Variants in ARHGAP15 observed in about 807,000 individuals in gnomAD.
The protein encoded by ARHGAP15 is Rho GTPase activating protein 15.
A neutral mutation model predicts 63.7 loss-of-function variants in ARHGAP15; 51 were observed. That is an observed-to-expected ratio of 0.80 (90% CI 0.64 to 1.01). The LOEUF (loss-of-function observed/expected upper bound fraction) is 1.01, where lower values mean the gene tolerates loss of function less well. Among genes scored for constraint, ARHGAP15 ranks in the 50% least tolerant of loss-of-function variants. The probability of loss-of-function intolerance (pLI) is 0.00; values close to 1 mark genes in which losing one functional copy is unlikely to be tolerated. For synonymous variants in ARHGAP15, 191 were observed against 193.8 expected, an observed-to-expected ratio of 0.99 and a Z score of 0.12; for missense variants, 560 against 564.6, an observed-to-expected ratio of 0.99 and a Z score of 0.08.
At chr2:143,595,890 G>A (rs921205622) in intron 11 of ARHGAP15, among the ~76,000 whole-genome samples, 6 of 151,974 alleles carry the variant, frequency 3.9e-5, no homozygotes, top group African/African-American at 9.7e-5. Context: ...TCTTTTCCAG[G>A]GGCATTTATA....
chr2:143,211,864 T>G (rs1283091506), intron 3 of ARHGAP15, among the ~76,000 whole-genome samples: 1 of 152,104 alleles, frequency 6.6e-6, no homozygotes, highest in Non-Finnish European at 1.5e-5. Flanking sequence ...TGAACTAGGA[T>G]TCAGATGGCT....
chr2:143,540,583 A>G (rs575818651), intron 10 of ARHGAP15, among the ~76,000 whole-genome samples: 1 of 152,242 alleles, frequency 6.6e-6, no homozygotes, highest in Non-Finnish European at 1.5e-5. Flanking sequence ...TGGTGACAAA[A>G]TCTCTCAGCA....
intron 1 of ARHGAP15, among the ~76,000 whole-genome samples, chr2:143,143,570 T>C (rs1464471841): frequency 1.3e-5 from 2 of 150,718 alleles, no homozygotes; most frequent in Non-Finnish European, 3.0e-5. Flanking sequence ...TTTCTTTCTT[T>C]TTTTTTTTTT....
chr2:143,259,595 G>A (rs1680612108), intron 6 of ARHGAP15, among the ~76,000 whole-genome samples: 1 of 152,050 alleles, frequency 6.6e-6, no homozygotes, highest in Admixed American at 6.6e-5. Flanking sequence ...TTCAACACTG[G>A]CTTCTCTGAT....
intron 5 of ARHGAP15, among the ~76,000 whole-genome samples, chr2:143,240,015 A>AC (rs1693804145): frequency 6.8e-6 from 1 of 147,998 alleles, no homozygotes; most frequent in African/African-American, 2.5e-5. Context: ...AAAAAAAAAA[A>AC]AAAAAACCAC....
intron 12 of ARHGAP15, among the ~76,000 whole-genome samples, chr2:143,652,655 C>T (rs949012443): frequency 3.9e-5 from 6 of 151,998 alleles, no homozygotes; most frequent in East Asian, 1.9e-4. Flanking sequence ...TCATATTTAT[C>T]CCCGAGTATT....
chr2:143,524,557 G>A (rs1317706016), intron 10 of ARHGAP15, among the ~76,000 whole-genome samples: 3 of 152,156 alleles, frequency 2.0e-5, no homozygotes, highest in Admixed American at 6.6e-5. Context: ...GTAGATTATA[G>A]CAACTTGGAA....
At chr2:143,497,006 A>G (rs1286289368) in intron 9 of ARHGAP15, among the ~76,000 whole-genome samples, 1 of 152,184 alleles carries the variant, frequency 6.6e-6, no homozygotes, top group Non-Finnish European at 1.5e-5. Context: ...GAAATATTGT[A>G]TTTGAGCCTT....
chr2:143,250,445 C>T (rs188413540), intron 5 of ARHGAP15, 66 bp from the exon 6 acceptor site: 187 of 1,257,716 alleles, frequency 1.5e-4, no homozygotes, highest in Admixed American at 2.5e-4. Context: ...CAATAAACTC[C>T]TATTTCTCTG....
intron 12 of ARHGAP15, among the ~76,000 whole-genome samples, chr2:143,625,086 G>A (rs1698784089): frequency 6.6e-6 from 1 of 151,950 alleles, no homozygotes; most frequent in African/African-American, 2.4e-5. Context: ...GTGACAGCTT[G>A]GAAAAAGTTT....
intron 1 of ARHGAP15, among the ~76,000 whole-genome samples, chr2:143,134,884 A>G (rs1689075873): frequency 5.9e-5 from 9 of 152,012 alleles, no homozygotes; most frequent in Admixed American, 5.2e-4. Context: ...TGATCTGCCC[A>G]CCTTGACCTC....
intron 3 of ARHGAP15, among the ~76,000 whole-genome samples, chr2:143,205,151 G>T (rs903557371): frequency 6.6e-6 from 1 of 151,450 alleles, no homozygotes; most frequent in African/African-American, 2.4e-5. Flanking sequence ...GCCACGTGTG[G>T]TGGCACTCAT....
chr2:143,554,151 T>A (rs553341120), intron 10 of ARHGAP15, among the ~76,000 whole-genome samples: 5 of 152,308 alleles, frequency 3.3e-5, no homozygotes, highest in South Asian at 2.1e-4. Flanking sequence ...ATTGATTTTT[T>A]AAAAAATTAG....
chr2:143,468,661 AGAGT>A (rs1403828379), intron 8 of ARHGAP15, among the ~76,000 whole-genome samples: 4 of 133,744 alleles, frequency 3.0e-5, no homozygotes, highest in East Asian at 2.2e-4. Context: ...AGAGAGAGAG[AGAGT>A]GTGTGTGTGT....
intron 13 of ARHGAP15, among the ~76,000 whole-genome samples, chr2:143,761,646 A>G (rs1027406504): frequency 2.0e-5 from 3 of 152,188 alleles, no homozygotes; most frequent in Non-Finnish European, 2.9e-5. Context: ...CTGTGATTTT[A>G]TGTGACTAAG....
chr2:143,556,418 T>C lies in ARHGAP15; in HGVS notation c.936T>C (p.Val312=). The C allele has an allele frequency of 6.2e-7, 1 of 1,611,994 alleles. No homozygotes were observed. Among genetic ancestry groups the C allele is most frequent in the Non-Finnish European group, 8.5e-7 (1 of 1,178,620 alleles). Residue 312 remains valine, a synonymous_variant, in exon 11 of 14, where the codon GTT becomes GTC. Transcript: ENST00000295095. The part of the protein sequence containing the change: ...IEAVEKRGLD[V]DGIYRVSGNL... ...CCCTTTTGTCTTCAGGTCTAGATGT[T>C]GATGGAATATATCGAGTTAGTGGCA... is the stretch of plus-strand genomic sequence containing the variant.
At chr2:143,336,580 AG>A (rs11293042) in intron 6 of ARHGAP15, among the ~76,000 whole-genome samples, 116,258 of 151,934 alleles carry the variant, frequency 0.77, 47,378 homozygotes, top group East Asian at 0.98. Flanking sequence ...TTTAAAAAAA[AG>A]TGCAGTGATA....
chr2:143,506,578 C>T (rs1050803326), intron 9 of ARHGAP15, among the ~76,000 whole-genome samples: 1 of 152,152 alleles, frequency 6.6e-6, no homozygotes, highest in African/African-American at 2.4e-5. Flanking sequence ...TTGTATTACC[C>T]TTCCCTTCCT....
chr2:143,392,330 C>A (rs1687569638), intron 6 of ARHGAP15, among the ~76,000 whole-genome samples: 1 of 152,110 alleles, frequency 6.6e-6, no homozygotes, highest in Non-Finnish European at 1.5e-5. Flanking sequence ...CCTGCCAAGT[C>A]TTTTGTCATT....
Sources: gnomAD v4.1 joint callset for allele counts (sites outside exome capture counted in the v4.1 genomes callset) on GRCh38, gnomAD v4.1.1 for gene constraint, MANE v1.5 for transcripts, NCBI Gene and HGNC (gene_info 2026-07-23, HGNC 2026-07-21) for gene names.